The following EYS variants were observed in gnomAD, a reference collection of about 807,000 sequenced individuals.
EYS encodes the protein protein eyes shut homolog.
A neutral mutation model predicts 282.1 loss-of-function variants in EYS; 250 were observed. The observed-to-expected ratio is 0.89, with a 90% CI of 0.80 to 0.98. EYS has a LOEUF of 0.98. EYS is among the 50% of genes least tolerant of loss of function. The pLI, the probability that EYS is intolerant of heterozygous loss-of-function variation, is 0.00. For synonymous variants in EYS, 1,355 were observed against 1,282.9 expected (o/e 1.06, Z -1.20); for missense variants, 4,016 against 3,709.0 (o/e 1.08, Z -2.15).
intron 26 of EYS, 54 bp from the exon 27 acceptor site, chr6:64,439,406 AG>A: frequency 1.7e-6 from 2 of 1,184,698 alleles, no homozygotes; most frequent in Non-Finnish European, 2.3e-6. Flanking sequence ...TTCAATACCT[AG>A]GTTTCACATT....
At chr6:65,165,128 C>CT (rs374109647) in intron 12 of EYS, among the ~76,000 whole-genome samples, 2 of 150,646 alleles carry the variant, frequency 1.3e-5, no homozygotes, top group Admixed American at 6.6e-5. Flanking sequence ...TTAATTGGTA[C>CT]TTTTTTTTTC....
chr6:64,926,387 T>A (rs1006821729), intron 15 of EYS, among the ~76,000 whole-genome samples: 1 of 152,202 alleles, frequency 6.6e-6, no homozygotes, highest in Admixed American at 6.5e-5. Context: ...AATGGCCTCA[T>A]TCTATTGATG....
At chr6:65,186,649 T>C (rs1233022850) in intron 12 of EYS, among the ~76,000 whole-genome samples, 1 of 151,808 alleles carries the variant, frequency 6.6e-6, no homozygotes, top group Non-Finnish European at 1.5e-5. Context: ...TTCAAATTCA[T>C]AAACATAAAT....
At chr6:64,212,098 A>C (rs1287136904) in intron 31 of EYS, among the ~76,000 whole-genome samples, 2 of 152,078 alleles carry the variant, frequency 1.3e-5, no homozygotes, top group Non-Finnish European at 2.9e-5. Flanking sequence ...CCTGGGTAAC[A>C]GATTGGGACT....
intron 31 of EYS, among the ~76,000 whole-genome samples, chr6:64,204,235 A>T (rs1001617600): frequency 6.6e-6 from 1 of 152,192 alleles, no homozygotes; most frequent in Non-Finnish European, 1.5e-5. Flanking sequence ...ATTGCTTCAA[A>T]GCAATGTTCT....
At chr6:64,050,658 A>G (rs868570085) in intron 33 of EYS, among the ~76,000 whole-genome samples, 3 of 152,200 alleles carry the variant, frequency 2.0e-5, no homozygotes, top group Middle Eastern at 6.8e-3. Context: ...CATTCACTCC[A>G]TCTCTGCAAA....
At chr6:64,899,712 G>C (rs72873049) in intron 18 of EYS, among the ~76,000 whole-genome samples, 1,752 of 152,048 alleles carry the variant, frequency 0.012, 15 homozygotes, top group Middle Eastern at 0.027. Flanking sequence ...ACAAATCTCT[G>C]CTCAAGGAAA....
intron 36 of EYS, among the ~76,000 whole-genome samples, chr6:63,827,850 CAAAAAA>C (rs58843584): frequency 4.4e-4 from 37 of 85,048 alleles, no homozygotes; most frequent in African/African-American, 1.5e-3. Context: ...GACTCCGTCT[CAAAAAA>C]AAAAAAAAAA....
At chr6:63,750,916 C>T (rs956849920) in intron 41 of EYS, among the ~76,000 whole-genome samples, 1 of 152,192 alleles carries the variant, frequency 6.6e-6, no homozygotes, top group Non-Finnish European at 1.5e-5. Context: ...TCTATGCTGA[C>T]CTGCACTTCT....
At chr6:64,390,017 G>A (rs1157797628) in intron 28 of EYS, among the ~76,000 whole-genome samples, 16 of 150,230 alleles carry the variant, frequency 1.1e-4, no homozygotes, top group Non-Finnish European at 2.1e-4. Flanking sequence ...GTGATGGATG[G>A]CACCTGGAAA....
intron 2 of EYS, among the ~76,000 whole-genome samples, chr6:65,599,340 T>C (rs1479537633): frequency 6.6e-6 from 1 of 152,120 alleles, no homozygotes. Flanking sequence ...AGAGGATTTC[T>C]TCCTTTGCTT....
intron 2 of EYS, among the ~76,000 whole-genome samples, chr6:65,560,938 A>AT (rs902634411): frequency 2.0e-5 from 3 of 151,490 alleles, no homozygotes; most frequent in Admixed American, 6.6e-5. Context: ...AAGCCTGAAG[A>AT]TTTTTTTTTA....
chr6:65,154,044 CT>C (rs567929701), intron 12 of EYS, among the ~76,000 whole-genome samples: 146 of 151,844 alleles, frequency 9.6e-4, no homozygotes, highest in Admixed American at 2.2e-3. Flanking sequence ...CATAGATTGC[CT>C]TTGGATTCAC....
intron 29 of EYS, among the ~76,000 whole-genome samples, chr6:64,359,991 C>T (rs1424988359): frequency 1.3e-5 from 2 of 151,660 alleles, no homozygotes; most frequent in Non-Finnish European, 3.0e-5. Context: ...CTCTCTGAAG[C>T]TCTACTAACC....
At chr6:64,986,559 C>T (rs892067538) in intron 14 of EYS, among the ~76,000 whole-genome samples, 5 of 150,746 alleles carry the variant, frequency 3.3e-5, no homozygotes, top group African/African-American at 7.3e-5. Flanking sequence ...GATATCTACA[C>T]AAAAATTATA....
intron 7 of EYS, among the ~76,000 whole-genome samples, chr6:65,392,794 C>A (rs1766100983): frequency 6.6e-6 from 1 of 150,918 alleles, no homozygotes; most frequent in South Asian, 2.1e-4. Context: ...ACTAGAAATA[C>A]CATTTGACCC....
intron 26 of EYS, among the ~76,000 whole-genome samples, chr6:64,551,664 G>A (rs1012721700): frequency 4.0e-5 from 6 of 151,328 alleles, no homozygotes; most frequent in Non-Finnish European, 8.8e-5. Context: ...AGCCTCCTGA[G>A]TACCAAGGAC....
At chr6:64,806,771 T>C (rs557540153) in intron 22 of EYS, among the ~76,000 whole-genome samples, 116 of 151,536 alleles carry the variant, frequency 7.7e-4, no homozygotes, top group Non-Finnish European at 1.2e-3. Context: ...GGGAAAGTTG[T>C]GGGGATGGAT....
chr6:64,150,654 C>A (rs1774671358), intron 31 of EYS, among the ~76,000 whole-genome samples: 1 of 151,890 alleles, frequency 6.6e-6, no homozygotes, highest in South Asian at 2.1e-4. Context: ...CATATATGTA[C>A]CAAAATATAT....
Sources: allele counts gnomAD v4.1 joint callset (sites outside exome capture counted in the v4.1 genomes callset), GRCh38; gene constraint gnomAD v4.1.1; transcripts MANE v1.5; gene names NCBI Gene and HGNC (gene_info 2026-07-23, HGNC 2026-07-21).